ZNF808: variants seen among roughly 807,000 people sequenced by gnomAD.
The protein encoded by ZNF808 is zinc finger protein 808.
In ZNF808, 5 loss-of-function variants were observed where a neutral mutation model predicts 8.7. That is an observed-to-expected ratio of 0.58 (90% confidence interval 0.30 to 1.21). ZNF808 has a LOEUF of 1.21. ZNF808 is among the 50% of genes most tolerant of loss of function. The pLI, the probability that ZNF808 is intolerant of heterozygous loss-of-function variation, is 0.07. For synonymous variants in ZNF808, 380 were observed against 366.0 expected (o/e 1.04, Z -0.44); for missense variants, 1,103 against 1,098.4 (o/e 1.00, Z -0.06).
intron 4 of ZNF808, among the ~76,000 whole-genome samples, chr19:52,552,018 A>AC (rs2059781828): frequency 6.6e-6 from 1 of 150,728 alleles, no homozygotes; most frequent in Non-Finnish European, 1.5e-5. Context: ...AAATGGAAAC[A>AC]AATTTTTTTT....
At chr19:52,531,449 T>C (rs2059561128) in intron 1 of ZNF808, among the ~76,000 whole-genome samples, 1 of 152,044 alleles carries the variant, frequency 6.6e-6, no homozygotes, top group African/African-American at 2.4e-5. Context: ...CACTCCAGCC[T>C]GGGCAGCAAG....
At chr19:52,564,868 C>T (rs1248616578), downstream of ZNF808, among the ~76,000 whole-genome samples, 2 of 152,054 alleles carry the variant, frequency 1.3e-5, no homozygotes, top group African/African-American at 2.4e-5. Flanking sequence ...GGGCGGATCA[C>T]GAGGTCGGGA....
chr19:52,559,574 T>G (rs1446628758), downstream of ZNF808, among the ~76,000 whole-genome samples: 1 of 152,142 alleles, frequency 6.6e-6, no homozygotes, highest in African/African-American at 2.4e-5. Flanking sequence ...CTCTGTACTT[T>G]GTCTCTATGT....
chr19:52,559,691 C>T (rs1315732317), downstream of ZNF808, among the ~76,000 whole-genome samples: 2 of 152,118 alleles, frequency 1.3e-5, no homozygotes, highest in Non-Finnish European at 2.9e-5. Flanking sequence ...AGATACACGT[C>T]AGTGGTACAG....
At chr19:52,562,448 C>T (rs1179706379) in intron 3 of ZNF808, among the ~76,000 whole-genome samples, 1 of 151,962 alleles carries the variant, frequency 6.6e-6, no homozygotes, top group African/African-American at 2.4e-5. Context: ...TAGTCAACAC[C>T]CATGACCAAA....
chr19:52,550,562 G>A (rs932948919), intron 4 of ZNF808, among the ~76,000 whole-genome samples: 2 of 150,468 alleles, frequency 1.3e-5, no homozygotes, highest in Non-Finnish European at 3.0e-5. Flanking sequence ...TTTCCCTCTT[G>A]TTGCCCAGGC....
intron 2 of ZNF808, among the ~76,000 whole-genome samples, chr19:52,542,089 C>T (rs377081320): frequency 6.6e-6 from 1 of 151,026 alleles, no homozygotes; most frequent in African/African-American, 2.5e-5. Flanking sequence ...GAAGATACAT[C>T]ACTTCCAATT....
chr19:52,547,194 C>A (rs566905714), intron 3 of ZNF808, among the ~76,000 whole-genome samples: 4 of 152,108 alleles, frequency 2.6e-5, no homozygotes, highest in Admixed American at 2.6e-4. Context: ...ATAATCTGCC[C>A]AACTTGGCCT....
At chr19:52,539,999 C>A (rs1389978789) in intron 2 of ZNF808, among the ~76,000 whole-genome samples, 1 of 151,968 alleles carries the variant, frequency 6.6e-6, no homozygotes, top group Non-Finnish European at 1.5e-5. Flanking sequence ...CACACCCCAC[C>A]AGGTCCGGCT....
intron 2 of ZNF808, among the ~76,000 whole-genome samples, chr19:52,535,644 T>A (rs1281399530): frequency 1.3e-5 from 2 of 152,168 alleles, no homozygotes; most frequent in Non-Finnish European, 2.9e-5. Flanking sequence ...CCCTCCTGAA[T>A]GAATGGAGAA....
chr19:52,534,682 G>GA (rs34849583), intron 2 of ZNF808, among the ~76,000 whole-genome samples: 98,272 of 151,892 alleles, frequency 0.65, 33,591 homozygotes, highest in African/African-American at 0.87. Context: ...TTGAAGTCAG[G>GA]GTTCTAGACC....
intron 1 of ZNF808, among the ~76,000 whole-genome samples, chr19:52,528,867 G>A (rs1477125135): frequency 1.3e-5 from 2 of 152,022 alleles, no homozygotes; most frequent in Non-Finnish European, 2.9e-5. Flanking sequence ...GAAAGATTGG[G>A]GAGAAGGAGC....
At chr19:52,541,267 C>G (rs2059667714) in intron 2 of ZNF808, among the ~76,000 whole-genome samples, 1 of 149,698 alleles carries the variant, frequency 6.7e-6, no homozygotes, top group African/African-American at 2.5e-5. Flanking sequence ...TTTTTTTAAA[C>G]CGTTTTTAAA....
At chr19:52,530,798 C>T (rs2059555180) in intron 1 of ZNF808, among the ~76,000 whole-genome samples, 1 of 151,996 alleles carries the variant, frequency 6.6e-6, no homozygotes, top group Admixed American at 6.6e-5. Flanking sequence ...CATGGTGAAA[C>T]CCCGTCTCTA....
At chr19:52,558,802 G>C (rs1164741695), downstream of ZNF808, among the ~76,000 whole-genome samples, 1 of 152,214 alleles carries the variant, frequency 6.6e-6, no homozygotes, top group Non-Finnish European at 1.5e-5. Flanking sequence ...TCTGCCTTGA[G>C]ATGCTGTGAA....
rs1600029163 is a variant in ZNF808 at position 52,553,287 on chromosome 19, G to A, written c.371G>A (p.Gly124Asp). The A allele has an allele frequency of 6.2e-7, 1 of 1,613,716 alleles. No homozygotes were observed. Among genetic ancestry groups the A allele is most frequent in the East Asian group, 2.2e-5 (1 of 44,872 alleles). Residue 124 changes from glycine (G) to aspartate (D), a missense_variant, in exon 5 of 5, where the codon GGC becomes GAC. Coordinates refer to ENST00000359798, the MANE Select transcript of ZNF808 (RefSeq NM_001039886.4). The stretch of plus-strand genomic sequence containing the variant: ...CAGTGTCAAGAAGATGAAAGAAATG[G>A]CCATGAAGCACCCACGACAAAAATA... ...EFQCQEDERNGHEAPTTKIKK... is the reference protein window; with the variant it reads ...EFQCQEDERNDHEAPTTKIKK...
downstream of ZNF808, among the ~76,000 whole-genome samples, chr19:52,558,929 G>C (rs376830586): frequency 6.6e-6 from 1 of 152,306 alleles, no homozygotes; most frequent in East Asian, 1.9e-4. Flanking sequence ...AGAAGACAGC[G>C]TGCTTGTTAA....
At chr19:52,531,100 C>T (rs2123061006) in intron 1 of ZNF808, among the ~76,000 whole-genome samples, 1 of 152,306 alleles carries the variant, frequency 6.6e-6, no homozygotes, top group Admixed American at 6.5e-5. Context: ...ACACTGCAAG[C>T]TGAGTGACAG....
At chr19:52,544,270 AC>A (rs2059700398) in intron 3 of ZNF808, among the ~76,000 whole-genome samples, 1 of 152,178 alleles carries the variant, frequency 6.6e-6, no homozygotes, top group South Asian at 2.1e-4. Flanking sequence ...ACTAATCGCT[AC>A]TGTAGCCTCC....
Sources: allele counts gnomAD v4.1 joint callset (sites outside exome capture counted in the v4.1 genomes callset), GRCh38; gene constraint gnomAD v4.1.1; transcripts MANE v1.5; gene names NCBI Gene and HGNC (gene_info 2026-07-23, HGNC 2026-07-21).